The following CRB1 variants were observed in gnomAD, a reference collection of about 807,000 sequenced individuals.
CRB1 encodes protein crumbs homolog 1.
CRB1 carries 83 observed loss-of-function variants against 120.0 expected under a neutral mutation model. The ratio of observed to expected loss-of-function variants is 0.69; its 90% confidence interval spans 0.58 to 0.83. The LOEUF (loss-of-function observed/expected upper bound fraction) is 0.83. CRB1 is among the 40% of genes least tolerant of loss of function. The pLI, the probability that CRB1 is intolerant of heterozygous loss-of-function variation, is 0.00. For missense variants in CRB1, 1,699 were observed against 1,687.6 expected, an observed-to-expected ratio of 1.01 and a Z score of -0.12; for synonymous variants, 625 against 612.5, an observed-to-expected ratio of 1.02 and a Z score of -0.30.
intron 1 of CRB1, among the ~76,000 whole-genome samples, chr1:197,269,517 G>T (rs1431665878): frequency 6.6e-6 from 1 of 151,994 alleles, no homozygotes; most frequent in African/African-American, 2.4e-5. Flanking sequence ...ACTCACAAAA[G>T]ATTTTTTTTC....
intron 1 of CRB1, among the ~76,000 whole-genome samples, chr1:197,303,851 G>A (rs1401461932): frequency 6.6e-6 from 1 of 152,144 alleles, no homozygotes; most frequent in Non-Finnish European, 1.5e-5. Flanking sequence ...AGCTGAGAGT[G>A]TTGGTGTGTG....
intron 1 of CRB1, among the ~76,000 whole-genome samples, chr1:197,319,034 G>A (rs1257628336): frequency 6.6e-6 from 1 of 151,788 alleles, no homozygotes; most frequent in Non-Finnish European, 1.5e-5. Context: ...TTTTAAATAT[G>A]AGACTATAAT....
At chr1:197,407,651 T>C (rs367737555) in intron 5 of CRB1, among the ~76,000 whole-genome samples, 1 of 152,186 alleles carries the variant, frequency 6.6e-6, no homozygotes, top group Non-Finnish European at 1.5e-5. Flanking sequence ...CTGAGCCCGA[T>C]CTTGATTCAC....
At chr1:197,405,694 G>A (rs552237821) in intron 5 of CRB1, among the ~76,000 whole-genome samples, 100 of 147,270 alleles carry the variant, frequency 6.8e-4, no homozygotes, top group African/African-American at 1.4e-3. Flanking sequence ...CTGCCGCCCC[G>A]TCTGGGAGGT....
At chr1:197,364,783 A>G (rs1450430061) in intron 5 of CRB1, among the ~76,000 whole-genome samples, 1 of 151,706 alleles carries the variant, frequency 6.6e-6, no homozygotes, top group Non-Finnish European at 1.5e-5. Context: ...TTTTTTCTTC[A>G]TCTCAGGAGA....
chr1:197,302,937 C>T (rs1232070838), intron 1 of CRB1, among the ~76,000 whole-genome samples: 1 of 152,074 alleles, frequency 6.6e-6, no homozygotes, highest in East Asian at 1.9e-4. Context: ...CAGATACTTT[C>T]CCAAGGCACC....
At chr1:197,318,025 T>G (rs1233670557) in intron 1 of CRB1, among the ~76,000 whole-genome samples, 1 of 151,894 alleles carries the variant, frequency 6.6e-6, no homozygotes, top group Non-Finnish European at 1.5e-5. Flanking sequence ...AAAAAGCTTC[T>G]GCATAGCAAA....
chr1:197,456,318 C>A (rs1355096263), intron 11 of CRB1, among the ~76,000 whole-genome samples: 1 of 152,006 alleles, frequency 6.6e-6, no homozygotes, highest in Non-Finnish European at 1.5e-5. Context: ...ATAAATATTA[C>A]CTAAGTGATT....
At position 197,438,719 on chromosome 1, in the gene CRB1, G is replaced by A. The variant is rs776871407; in HGVS notation, c.3878+44G>A. ...TTCTGGAAGAGAATTCTGAGCTAAA[G>A]AATGATGGGATTACTCAAAGTTCAT... On this transcript the variant is annotated intron_variant, in intron 10 of 11. Coordinates refer to ENST00000367400, the MANE Select transcript of CRB1 (RefSeq NM_201253.3). 12 of 1,605,966 alleles carry A rather than the reference G, an allele frequency of 7.5e-6. 1 individual carries two copies. The African/African-American group carries it at 1.5e-4, about 20-fold the overall frequency.
chr1:197,240,425 T>C, the CRB1 span, among the ~76,000 whole-genome samples: 1 of 152,158 alleles, frequency 6.6e-6, no homozygotes, highest in Non-Finnish European at 1.5e-5. Context: ...TGTCCATGTG[T>C]TCTTATTCTT....
At chr1:197,451,355 G>A (rs950415399) in intron 11 of CRB1, among the ~76,000 whole-genome samples, 3 of 152,198 alleles carry the variant, frequency 2.0e-5, no homozygotes, top group Admixed American at 6.5e-5. Flanking sequence ...GTTGAGCAAA[G>A]TGTAGTACAC....
At chr1:197,422,363 G>T (rs1248021607) in intron 6 of CRB1, among the ~76,000 whole-genome samples, 3 of 151,582 alleles carry the variant, frequency 2.0e-5, no homozygotes. Context: ...ATACTAGCAT[G>T]ATATCTTGTG....
At chr1:197,294,311 A>G (rs1314299628) in intron 1 of CRB1, among the ~76,000 whole-genome samples, 3 of 152,200 alleles carry the variant, frequency 2.0e-5, no homozygotes, top group Non-Finnish European at 4.4e-5. Flanking sequence ...ACACACGAAA[A>G]AAAATATTCA....
chr1:197,205,464 C>T, the CRB1 span, among the ~76,000 whole-genome samples: 1 of 152,088 alleles, frequency 6.6e-6, no homozygotes, highest in African/African-American at 2.4e-5. Context: ...TAAAGGGATG[C>T]TGGATTTTGT....
At chr1:197,318,366 A>G (rs140022961) in intron 1 of CRB1, among the ~76,000 whole-genome samples, 1 of 152,226 alleles carries the variant, frequency 6.6e-6, no homozygotes, top group East Asian at 1.9e-4. Context: ...GAGGATGTGG[A>G]GAAAAGAGAA....
chr1:197,357,339 A>G (rs1031770408), intron 5 of CRB1: 1 of 376,896 alleles, frequency 2.7e-6, no homozygotes, highest in African/African-American at 2.1e-5. Context: ...TTTGATAATG[A>G]TGTTAAATTT....
chr1:197,270,220 T>A (rs1018127107), intron 1 of CRB1, among the ~76,000 whole-genome samples: 1 of 152,200 alleles, frequency 6.6e-6, no homozygotes, highest in African/African-American at 2.4e-5. Flanking sequence ...TAACATTGTG[T>A]TAAGCATTTT....
chr1:197,317,582 C>T lies in CRB1; in HGVS notation c.71-10840C>T, dbSNP rs1430134557. Among the ~76,000 whole-genome samples, 5 of 152,102 alleles carry T rather than the reference C, an allele frequency of 3.3e-5. No individual in the cohort carries two copies. In the East Asian group the frequency reaches 9.6e-4, roughly 29 times the overall value. ...AACACGGTTGGATACATCACATGAC[C>T]TGACTTCAAAATATACCAAAAGGCT... is the stretch of plus-strand genomic sequence containing the variant. On this transcript the variant is annotated intron_variant, in intron 1 of 11. Coordinates refer to ENST00000367400, the MANE Select transcript of CRB1 (RefSeq NM_201253.3).
At chr1:197,340,237 G>C (rs1008015324) in intron 2 of CRB1, among the ~76,000 whole-genome samples, 1 of 152,250 alleles carries the variant, frequency 6.6e-6, no homozygotes, top group Admixed American at 6.5e-5. Context: ...ACTAACTGGA[G>C]CTAGCCTGGG....
Sources: allele counts gnomAD v4.1 joint callset (sites outside exome capture counted in the v4.1 genomes callset), GRCh38; gene constraint gnomAD v4.1.1; transcripts MANE v1.5; gene names NCBI Gene and HGNC (gene_info 2026-07-23, HGNC 2026-07-21).